The following DPP6 variants were observed in gnomAD, a reference collection of about 807,000 sequenced individuals.
DPP6 encodes the protein dipeptidyl peptidase like 6.
A neutral mutation model predicts 122.6 loss-of-function variants in DPP6; 69 were observed. That is an observed-to-expected ratio of 0.56 (90% CI 0.46 to 0.69). DPP6 has a LOEUF of 0.69. DPP6 is among the 30% of genes least tolerant of loss of function. The pLI is 0.00. For missense variants in DPP6, 928 were observed against 1,116.9 expected, an observed-to-expected ratio of 0.83 and a Z score of 2.41; for synonymous variants, 418 against 433.1, an observed-to-expected ratio of 0.97 and a Z score of 0.43.
intron 1 of DPP6, among the ~76,000 whole-genome samples, chr7:154,212,721 C>G (rs1027765828): frequency 1.3e-5 from 2 of 152,142 alleles, no homozygotes; most frequent in Non-Finnish European, 2.9e-5. Context: ...TATGTAATCT[C>G]ATCTAGGATA....
intron 8 of DPP6, among the ~76,000 whole-genome samples, chr7:154,750,375 G>C (rs1442955361): frequency 6.6e-6 from 1 of 152,240 alleles, no homozygotes; most frequent in Non-Finnish European, 1.5e-5. Context: ...GGCCGCCTGT[G>C]CCGGAGCAGG....
intron 16 of DPP6, among the ~76,000 whole-genome samples, chr7:154,824,010 C>G (rs1269552442): frequency 1.3e-5 from 2 of 152,126 alleles, no homozygotes; most frequent in East Asian, 3.8e-4. Flanking sequence ...GTTGAATTAC[C>G]CATTTTGAAA....
Position 154,346,613 on chromosome 7 carries a change from T to C in DPP6, c.244-99601T>C, listed in dbSNP as rs539400277. ...TGAGCCACAGTGCCCAGGCCCTCCT[T>C]CACACTTTTAATTGGGACCCCCCCT... On this transcript the variant is annotated intron_variant, in intron 1 of 25. Coordinates refer to ENST00000377770, the MANE Select transcript of DPP6 (RefSeq NM_130797.4). 4.6e-5 allele frequency among the ~76,000 whole-genome samples: 7 copies of C among 152,248 alleles called. No individual in the cohort carries two copies. The South Asian group carries it at 1.2e-3, about 27-fold the overall frequency.
At chr7:154,672,283 G>A (rs57626460) in intron 7 of DPP6, among the ~76,000 whole-genome samples, 18,461 of 152,158 alleles carry the variant, frequency 0.12, 1,208 homozygotes, top group African/African-American at 0.16. Flanking sequence ...TTGTATAAAT[G>A]ACTCAGTCTC....
At chr7:154,818,821 G>A (rs916677635) in intron 16 of DPP6, among the ~76,000 whole-genome samples, 10 of 152,292 alleles carry the variant, frequency 6.6e-5, no homozygotes, top group East Asian at 3.9e-4. Flanking sequence ...CTTTGAGGCT[G>A]CATGAACCAA....
At chr7:154,466,672 G>A (rs950873961) in intron 2 of DPP6, among the ~76,000 whole-genome samples, 3 of 152,162 alleles carry the variant, frequency 2.0e-5, no homozygotes, top group African/African-American at 7.2e-5. Context: ...CACATTGGGG[G>A]TTAGGGTGTC....
intron 1 of DPP6, among the ~76,000 whole-genome samples, chr7:154,214,054 GC>G (rs1015935968): frequency 6.6e-5 from 10 of 152,176 alleles, no homozygotes; most frequent in African/African-American, 2.4e-4. Flanking sequence ...GAAACATGAA[GC>G]CCCCAAGGAC....
intron 1 of DPP6, among the ~76,000 whole-genome samples, chr7:154,409,728 A>G (rs1225063797): frequency 6.6e-6 from 1 of 152,148 alleles, no homozygotes; most frequent in African/African-American, 2.4e-5. Flanking sequence ...ATTTCTCCAA[A>G]GAGTGAGGTT....
intron 1 of DPP6, among the ~76,000 whole-genome samples, chr7:154,426,588 G>A (rs1054493786): frequency 6.6e-6 from 1 of 152,132 alleles, no homozygotes; most frequent in African/African-American, 2.4e-5. Context: ...GGACATACAA[G>A]TGGAAGGTTT....
At chr7:154,078,489 A>G (rs1803734242) in intron 1 of DPP6, among the ~76,000 whole-genome samples, 2 of 152,062 alleles carry the variant, frequency 1.3e-5, no homozygotes, top group South Asian at 2.1e-4. Context: ...AGATACGAGC[A>G]ATATGGGGAG....
At chr7:153,902,461 G>A (rs1244020462) in intron 1 of DPP6, among the ~76,000 whole-genome samples, 1 of 152,114 alleles carries the variant, frequency 6.6e-6, no homozygotes, top group Non-Finnish European at 1.5e-5. Flanking sequence ...CAGATCTTTG[G>A]GAACAAGATC....
At chr7:154,422,935 G>A (rs991075880) in intron 1 of DPP6, among the ~76,000 whole-genome samples, 2 of 152,122 alleles carry the variant, frequency 1.3e-5, no homozygotes, top group Non-Finnish European at 2.9e-5. Context: ...AATGTGCTTG[G>A]TTTTAATGAC....
At chr7:154,348,219 T>G (rs925294672) in intron 1 of DPP6, among the ~76,000 whole-genome samples, 1 of 152,210 alleles carries the variant, frequency 6.6e-6, no homozygotes, top group African/African-American at 2.4e-5. Flanking sequence ...TATACTTATA[T>G]TAATTTTTTA....
At chr7:154,280,488 C>T (rs1473488479) in intron 1 of DPP6, among the ~76,000 whole-genome samples, 1 of 152,184 alleles carries the variant, frequency 6.6e-6, no homozygotes, top group African/African-American at 2.4e-5. Flanking sequence ...GGAACAGCCA[C>T]AATAATGCTG....
intron 2 of DPP6, among the ~76,000 whole-genome samples, chr7:154,469,518 G>C (rs1326706659): frequency 6.6e-6 from 1 of 152,122 alleles, no homozygotes; most frequent in Non-Finnish European, 1.5e-5. Flanking sequence ...GGATTCATAT[G>C]GTGAACAATC....
chr7:154,147,819 C>T (rs74408929), intron 1 of DPP6, among the ~76,000 whole-genome samples: 258 of 143,380 alleles, frequency 1.8e-3, no homozygotes, highest in South Asian at 6.3e-3. Flanking sequence ...GCTGGGATTA[C>T]AAGTGTGAGC....
In DPP6 at chr7:154,577,453, G is replaced by T. The variant is rs938316550; in HGVS notation, c.627+10537G>T. Among the ~76,000 whole-genome samples the T allele has an allele frequency of 2.3e-3, 356 of 152,260 alleles. 9 individuals are homozygous for T. Among genetic ancestry groups the T allele is most frequent in the Middle Eastern group, 3.4e-3 (1 of 294 alleles). ...ACCGTGGAAGTTTAGACAGCCAGGG[G>T]CAGGTCAAGGATTAGGTCCTCCAAA... On this transcript the variant is annotated intron_variant, in intron 5 of 25. Transcript: ENST00000377770.
At chr7:154,109,445 C>G (rs1806408562) in intron 1 of DPP6, among the ~76,000 whole-genome samples, 1 of 151,996 alleles carries the variant, frequency 6.6e-6, no homozygotes, top group African/African-American at 2.4e-5. Flanking sequence ...GCACCCACCA[C>G]CATGCCCAGC....
intron 4 of DPP6, among the ~76,000 whole-genome samples, chr7:154,555,216 A>G (rs1829930239): frequency 1.3e-5 from 2 of 152,194 alleles, no homozygotes; most frequent in Non-Finnish European, 2.9e-5. Flanking sequence ...TTTTTCTCAT[A>G]ATAGAATTTT....
Sources: allele counts gnomAD v4.1 joint callset (sites outside exome capture counted in the v4.1 genomes callset), GRCh38; gene constraint gnomAD v4.1.1; transcripts MANE v1.5; gene names NCBI Gene and HGNC (gene_info 2026-07-23, HGNC 2026-07-21).